The following IGF1 variants were observed in gnomAD, a reference collection of about 807,000 sequenced individuals.
IGF1 encodes the protein insulin-like growth factor 1.
Under a neutral mutation model 13.8 loss-of-function variants are expected in IGF1, and 4 were observed. That is an observed-to-expected ratio of 0.29 (90% CI 0.14 to 0.66). The LOEUF (loss-of-function observed/expected upper bound fraction) is 0.66. IGF1 is among the 30% of genes least tolerant of loss of function. The pLI is 0.78. For missense variants in IGF1, 124 were observed against 188.5 expected (o/e 0.66, Z 2.00); for synonymous variants, 76 against 72.6 (o/e 1.05, Z -0.23).
At chr12:102,441,931 C>CTTCTTCTTCTTCTTCTTCTTCTT (rs1445080667) in intron 2 of IGF1, among the ~76,000 whole-genome samples, 1 of 131,928 alleles carries the variant, frequency 7.6e-6, no homozygotes, top group Non-Finnish European at 1.6e-5. Context: ...TCTTCTTCTT[C>CTTCTTCTTCTTCTTCTTCTTCTT]TTCTTCTTCT....
chr12:102,466,911 A>T (rs1297459684), intron 2 of IGF1, among the ~76,000 whole-genome samples: 1 of 152,148 alleles, frequency 6.6e-6, no homozygotes, highest in Non-Finnish European at 1.5e-5. Context: ...GTCTCAAAAA[A>T]ACAAAAACCA....
intron 2 of IGF1, among the ~76,000 whole-genome samples, chr12:102,457,136 CT>C (rs1879484247): frequency 6.6e-6 from 1 of 152,274 alleles, no homozygotes; most frequent in East Asian, 1.9e-4. Flanking sequence ...ATTCAGAACT[CT>C]TTTTGATATC....
At chr12:102,418,040 G>A (rs750167344) in intron 3 of IGF1, 4 of 1,600,818 alleles carry the variant, frequency 2.5e-6, no homozygotes, top group Admixed American at 3.5e-5. Flanking sequence ...TTGAGAACAA[G>A]TGGTTCCCAT....
intron 3 of IGF1, among the ~76,000 whole-genome samples, chr12:102,415,017 C>T (rs1019906337): frequency 6.6e-6 from 1 of 152,178 alleles, no homozygotes; most frequent in Non-Finnish European, 1.5e-5. Context: ...AGCCAGTTGC[C>T]ACCTGTAGCA....
chr12:102,418,037 C>T (rs1231277482), intron 3 of IGF1: 2 of 1,601,930 alleles, frequency 1.2e-6, no homozygotes, highest in Non-Finnish European at 1.7e-6. Flanking sequence ...GCATTGAGAA[C>T]AAGTGGTTCC....
intron 2 of IGF1, among the ~76,000 whole-genome samples, chr12:102,441,952 C>CT (rs1214449889): frequency 1.4e-5 from 2 of 140,950 alleles, no homozygotes; most frequent in Admixed American, 7.6e-5. Context: ...TCTTCTTCTT[C>CT]TTCTTTTTTT....
chr12:102,398,620 GC>G lies in IGF1; in HGVS notation c.*3886del, dbSNP rs1411047035. The stretch of plus-strand genomic sequence containing the variant: ...TAACTTTAAAAAATTTCCAACTCCT[GC>G]CCCTGCACCCCCAAATTCACAATTT... On this transcript the variant is annotated 3_prime_UTR_variant, in exon 4 of 4. Transcript: ENST00000337514. The G allele has an allele frequency of 6.6e-6, 1 of 151,928 alleles. No individual in the cohort carries two copies. The highest frequency in any genetic ancestry group is 1.5e-5 in the Non-Finnish European group (1 of 67,976). 9.4% of individuals were successfully genotyped at this position (151,928 alleles called of 1,614,324 possible). A position where few individuals can be genotyped will look rare whatever the true frequency, so the allele number is the denominator to read the frequency against.
intron 2 of IGF1, among the ~76,000 whole-genome samples, chr12:102,474,565 C>A (rs544768656): frequency 1.3e-5 from 2 of 152,246 alleles, no homozygotes; most frequent in Admixed American, 6.5e-5. Context: ...GAGAGGCTGA[C>A]ATTTGGGAAG....
At chr12:102,450,940 A>G (rs774202090) in intron 2 of IGF1, among the ~76,000 whole-genome samples, 2 of 152,214 alleles carry the variant, frequency 1.3e-5, no homozygotes, top group Admixed American at 1.3e-4. Context: ...AAAGATCTTT[A>G]TAGTAGATTA....
intron 2 of IGF1, among the ~76,000 whole-genome samples, chr12:102,433,087 A>C (rs1250134754): frequency 1.3e-5 from 2 of 152,114 alleles, no homozygotes; most frequent in Non-Finnish European, 2.9e-5. Context: ...CTCTCTGGAG[A>C]ACCTGGCTCC....
intron 1 of IGF1, among the ~76,000 whole-genome samples, chr12:102,479,529 C>A (rs1229234947): frequency 1.3e-5 from 2 of 152,194 alleles, no homozygotes; most frequent in African/African-American, 4.8e-5. Context: ...CCTAAAGGGA[C>A]TTCACGACAC....
intron 2 of IGF1, among the ~76,000 whole-genome samples, chr12:102,432,847 AATACATACATACATAC>A (rs80335999): frequency 6.6e-6 from 1 of 151,904 alleles, no homozygotes; most frequent in Admixed American, 6.6e-5. Context: ...GTATAATAAA[AATACATACATACATAC>A]ATACATACAT....
chr12:102,439,765 T>C (rs1877550603), intron 2 of IGF1, among the ~76,000 whole-genome samples: 1 of 150,618 alleles, frequency 6.6e-6, no homozygotes, highest in African/African-American at 2.4e-5. Flanking sequence ...AGTTAAGATC[T>C]AGCCCAAAAA....
chr12:102,426,874 C>T (rs1876252126), intron 2 of IGF1, among the ~76,000 whole-genome samples: 1 of 152,138 alleles, frequency 6.6e-6, no homozygotes, highest in Non-Finnish European at 1.5e-5. Context: ...CTGTTCTCTT[C>T]TTTTCCTATT....
intron 2 of IGF1, among the ~76,000 whole-genome samples, chr12:102,445,649 G>A (rs1359463262): frequency 6.6e-6 from 1 of 152,104 alleles, no homozygotes; most frequent in Non-Finnish European, 1.5e-5. Context: ...GAGATGATGG[G>A]GTTTTCTAAA....
intron 2 of IGF1, among the ~76,000 whole-genome samples, chr12:102,460,607 GA>G (rs1879823924): frequency 6.6e-6 from 1 of 152,160 alleles, no homozygotes; most frequent in Admixed American, 6.5e-5. Flanking sequence ...AGGAATGAGA[GA>G]ATACTAACAA....
chr12:102,441,915 C>CCTTCTTCTTCTTCTCCTT (rs1877800073), intron 2 of IGF1, among the ~76,000 whole-genome samples: 1 of 122,140 alleles, frequency 8.2e-6, no homozygotes, highest in Non-Finnish European at 1.7e-5. Flanking sequence ...TGCTTCTTCT[C>CCTTCTTCTTCTTCTCCTT]CTTCTTCTTC....
chr12:102,410,281 A>ATTC (rs1874521989), intron 3 of IGF1, among the ~76,000 whole-genome samples: 1 of 152,198 alleles, frequency 6.6e-6, no homozygotes, highest in African/African-American at 2.4e-5. Flanking sequence ...AGGATGTTGT[A>ATTC]AAATACTTCA....
At chr12:102,456,822 G>T (rs182114098) in intron 2 of IGF1, among the ~76,000 whole-genome samples, 19 of 152,276 alleles carry the variant, frequency 1.2e-4, no homozygotes, top group Admixed American at 1.0e-3. Context: ...ACGTTCCAAA[G>T]GAAGGGGCAT....
Sources: allele counts gnomAD v4.1 joint callset (sites outside exome capture counted in the v4.1 genomes callset), GRCh38; gene constraint gnomAD v4.1.1; transcripts MANE v1.5; gene names NCBI Gene and HGNC (gene_info 2026-07-23, HGNC 2026-07-21).